ZNF705A: variants seen among roughly 807,000 people sequenced by gnomAD.
ZNF705A encodes zinc finger protein 705A.
In ZNF705A, 8 loss-of-function variants were observed where a neutral mutation model predicts 16.6. The observed-to-expected ratio is 0.48, with a 90% confidence interval of 0.28 to 0.87. ZNF705A has a LOEUF of 0.87. Among genes scored for constraint, ZNF705A ranks in the 40% least tolerant of loss-of-function variants. ZNF705A has a pLI of 0.10. For synonymous variants in ZNF705A, 73 were observed against 117.3 expected, an observed-to-expected ratio of 0.62 and a Z score of 2.44; for missense variants, 233 against 359.9, an observed-to-expected ratio of 0.65 and a Z score of 2.85.
chr12:8,165,772 T>C (rs1417239850), intron 1 of ZNF705A, among the ~76,000 whole-genome samples: 1 of 152,112 alleles, frequency 6.6e-6, no homozygotes, highest in Non-Finnish European at 1.5e-5. Context: ...TAAGAACATA[T>C]GGTATTTGGT....
intron 1 of ZNF705A, among the ~76,000 whole-genome samples, chr12:8,158,647 T>C (rs1198623076): frequency 6.6e-6 from 1 of 152,132 alleles, no homozygotes; most frequent in African/African-American, 2.4e-5. Context: ...TTCTCTTGAA[T>C]ACGTTTCTAG....
chr12:8,168,444 T>TA (rs1424494299), upstream of ZNF705A, among the ~76,000 whole-genome samples: 1 of 152,216 alleles, frequency 6.6e-6, no homozygotes, highest in African/African-American at 2.4e-5. Context: ...TGTGAATTGT[T>TA]ACTTGACATT....
chr12:8,177,805 C>T (rs974403824), exon 5 of ZNF705A: 2 of 718,256 alleles, frequency 2.8e-6, no homozygotes, highest in Middle Eastern at 3.9e-4. Context: ...TCTAAACATG[C>T]CAAAGGACTC....
At chr12:8,164,267 C>T (rs1464880920) in intron 1 of ZNF705A, among the ~76,000 whole-genome samples, 1 of 152,166 alleles carries the variant, frequency 6.6e-6, no homozygotes, top group Non-Finnish European at 1.5e-5. Context: ...CCCTGGCAAC[C>T]ACCATTCTAC....
intron 1 of ZNF705A, among the ~76,000 whole-genome samples, chr12:8,160,849 C>G (rs1418540270): frequency 6.6e-6 from 1 of 152,092 alleles, no homozygotes; most frequent in African/African-American, 2.4e-5. Flanking sequence ...CTGGCTAGGA[C>G]TTCCAGTACC....
At chr12:8,159,468 C>T (rs1255850621) in intron 1 of ZNF705A, among the ~76,000 whole-genome samples, 1 of 152,104 alleles carries the variant, frequency 6.6e-6, no homozygotes, top group African/African-American at 2.4e-5. Context: ...ATGTCAACAT[C>T]TATTGTTTTT....
intron 1 of ZNF705A, among the ~76,000 whole-genome samples, chr12:8,173,911 A>G (rs1948464182): frequency 6.6e-6 from 1 of 152,206 alleles, no homozygotes; most frequent in Non-Finnish European, 1.5e-5. Context: ...GAAATAGTTT[A>G]TTTCATCACA....
chr12:8,174,103 C>A (rs1219133075), intron 1 of ZNF705A, among the ~76,000 whole-genome samples: 1 of 152,090 alleles, frequency 6.6e-6, no homozygotes, highest in East Asian at 1.9e-4. Context: ...CCACACCTCA[C>A]GCGATATTTC....
In ZNF705A at chr12:8,179,496, T is replaced by C. The variant is rs1948514814; in HGVS notation, c.*1913T>C. On this transcript the variant is annotated 3_prime_UTR_variant, in exon 5 of 5. Transcript: ENST00000359286. Reference sequence around the variant, plus strand: ...ACTGAACCTAAAACTCAAGAGAAAATGTTTCCTGAATATCAAGTGGGATGA... The same window carrying C: ...ACTGAACCTAAAACTCAAGAGAAAACGTTTCCTGAATATCAAGTGGGATGA... 3.9e-5 allele frequency: 6 copies of C among 152,180 alleles called. No homozygotes were observed. In the South Asian group the frequency reaches 1.2e-3, roughly 32 times the overall value. 9.4% of individuals were successfully genotyped at this position (152,180 alleles called of 1,614,324 possible). A position where few individuals can be genotyped will look rare whatever the true frequency, so the allele number is the denominator to read the frequency against.
upstream of ZNF705A, among the ~76,000 whole-genome samples, chr12:8,169,134 A>G (rs1948423593): frequency 6.6e-6 from 1 of 152,270 alleles, no homozygotes; most frequent in African/African-American, 2.4e-5. Flanking sequence ...AATATGTTGC[A>G]TATTCCTTTT....
rs770123445 is a variant in ZNF705A at position 8,177,589 on chromosome 12, G to C, written c.*6G>C. ...TGTCTTCCGACCTTAGATGACATGA[G>C]AGAACATGCACTGGAGAAAAGCCAT... On this transcript the variant is annotated 3_prime_UTR_variant, in exon 5 of 5. Coordinates refer to ENST00000359286, the Ensembl canonical transcript of ZNF705A. 8.0e-6 allele frequency: 11 copies of C among 1,381,986 alleles called. No homozygotes were observed. The Admixed American group carries it at 8.9e-5, about 11-fold the overall frequency. The allele number at this position is 1,381,986 out of a possible 1,614,324, so 85.6% of individuals were successfully genotyped here. A position where few individuals can be genotyped will look rare whatever the true frequency, so the allele number is the denominator to read the frequency against.
intron 3 of ZNF705A, 69 bp from the exon 5 acceptor site, chr12:8,175,791 C>T (rs1251046686): frequency 1.9e-6 from 3 of 1,605,328 alleles, no homozygotes; most frequent in Middle Eastern, 2.3e-4. Flanking sequence ...AGTAAATGGG[C>T]CTTGGGGCTT....
upstream of ZNF705A, among the ~76,000 whole-genome samples, chr12:8,169,611 T>C (rs1948428422): frequency 6.6e-6 from 1 of 152,202 alleles, no homozygotes. Context: ...GAGAATCTAC[T>C]AAATAATAGC....
chr12:8,167,103 T>C (rs1948405470), intron 1 of ZNF705A, among the ~76,000 whole-genome samples: 1 of 152,224 alleles, frequency 6.6e-6, no homozygotes, highest in South Asian at 2.1e-4. Context: ...TGAAACTTTT[T>C]ATATCTATTC....
chr12:8,167,780 G>C (rs536077128), upstream of ZNF705A, among the ~76,000 whole-genome samples: 1 of 152,172 alleles, frequency 6.6e-6, no homozygotes, highest in Non-Finnish European at 1.5e-5. Context: ...GAAAGAACTC[G>C]ACTGAAGGGC....
At chr12:8,177,045 G>A in exon 5 of ZNF705A, 1 of 1,610,958 alleles carries the variant, frequency 6.2e-7, no homozygotes, top group Non-Finnish European at 8.5e-7. Flanking sequence ...AATGATTCGG[G>A]AGAAGATTGC....
intron 1 of ZNF705A, among the ~76,000 whole-genome samples, chr12:8,173,944 T>C (rs1442592505): frequency 6.6e-6 from 1 of 152,212 alleles, no homozygotes; most frequent in African/African-American, 2.4e-5. Flanking sequence ...AAGTAGTAAA[T>C]CATGGTTATT....
upstream of ZNF705A, among the ~76,000 whole-genome samples, chr12:8,170,184 TCCCCCCCCC>T (rs35676407): frequency 0.073 from 4,727 of 64,752 alleles, 487 homozygotes; most frequent in African/African-American, 0.22. Flanking sequence ...AGCGAAACTC[TCCCCCCCCC>T]CCCAAAAAAA....
intron 3 of ZNF705A, 112 bp from the exon 5 acceptor site, chr12:8,175,748 C>A (rs1387733746): frequency 2.0e-6 from 3 of 1,467,798 alleles, no homozygotes; most frequent in Non-Finnish European, 2.8e-6. Flanking sequence ...ATTTGACACA[C>A]TTGCCACATC....
Sources: allele counts gnomAD v4.1 joint callset (sites outside exome capture counted in the v4.1 genomes callset), GRCh38; gene constraint gnomAD v4.1.1; transcripts MANE v1.5; gene names NCBI Gene and HGNC (gene_info 2026-07-23, HGNC 2026-07-21).